The following CARNMT1 variants were observed in gnomAD, a reference collection of about 807,000 sequenced individuals.
The protein encoded by CARNMT1 is protein-L-histidine N-pros-methyltransferase CARNMT1.
A neutral mutation model predicts 49.6 loss-of-function variants in CARNMT1; 28 were observed. That is an observed-to-expected ratio of 0.56 (90% CI 0.42 to 0.77). CARNMT1 has a LOEUF of 0.77. CARNMT1 is among the 30% of genes least tolerant of loss of function. CARNMT1 has a pLI of 0.00. For missense variants in CARNMT1, 421 were observed against 512.6 expected, an observed-to-expected ratio of 0.82 and a Z score of 1.73; for synonymous variants, 178 against 175.0, an observed-to-expected ratio of 1.02 and a Z score of -0.13.
chr9:75,006,178 G>A (rs1470296564), intron 3 of CARNMT1, among the ~76,000 whole-genome samples: 1 of 151,864 alleles, frequency 6.6e-6, no homozygotes, highest in Non-Finnish European at 1.5e-5. Context: ...TGGCCTCCCA[G>A]GTAGCTGGGA....
chr9:75,008,179 A>AC (rs1364277236), intron 3 of CARNMT1, among the ~76,000 whole-genome samples: 8 of 150,278 alleles, frequency 5.3e-5, no homozygotes, highest in African/African-American at 1.9e-4. Flanking sequence ...AAAAAAAAAA[A>AC]AAAAAAAAAA....
At chr9:75,027,609 G>A (rs1401582719) in intron 1 of CARNMT1, 1 of 287,670 alleles carries the variant, frequency 3.5e-6, no homozygotes, top group Admixed American at 6.5e-5. Context: ...CTCTCCGTGT[G>A]TTCAGTTTGG....
At chr9:75,027,686 G>A (rs1378364476) in intron 1 of CARNMT1, among the ~76,000 whole-genome samples, 1 of 152,222 alleles carries the variant, frequency 6.6e-6, no homozygotes. Context: ...TCTTCTATCT[G>A]AAATTGTTAC....
At chr9:74,985,055 C>A (rs1832791125) in intron 6 of CARNMT1, 45 bp from the exon 7 acceptor site, 1 of 1,353,838 alleles carries the variant, frequency 7.4e-7, no homozygotes, top group Non-Finnish European at 1.1e-6. Flanking sequence ...TAAACATACA[C>A]TCATAGCTGT....
At chr9:75,002,073 C>T (rs1484747037) in intron 3 of CARNMT1, among the ~76,000 whole-genome samples, 2 of 152,050 alleles carry the variant, frequency 1.3e-5, no homozygotes, top group Non-Finnish European at 2.9e-5. Flanking sequence ...ATGTGACCTC[C>T]CTAATAACAG....
chr9:75,003,052 T>A (rs1833407626), intron 3 of CARNMT1, among the ~76,000 whole-genome samples: 1 of 152,162 alleles, frequency 6.6e-6, no homozygotes, highest in Non-Finnish European at 1.5e-5. Flanking sequence ...ATTTTTTTAT[T>A]CATCATAGAA....
chr9:75,025,135 A>G (rs1737276941), intron 1 of CARNMT1, among the ~76,000 whole-genome samples: 1 of 152,202 alleles, frequency 6.6e-6, no homozygotes. Context: ...TACATATCAA[A>G]CAAATCAACT....
intron 1 of CARNMT1, chr9:75,026,939 G>C: frequency 2.2e-6 from 1 of 452,152 alleles, no homozygotes; most frequent in South Asian, 1.9e-5. Context: ...CTGCCCTTGA[G>C]GAGGTCACAG....
chr9:74,999,471 T>C (rs1293422307), intron 4 of CARNMT1, among the ~76,000 whole-genome samples: 1 of 152,206 alleles, frequency 6.6e-6, no homozygotes, highest in Non-Finnish European at 1.5e-5. Flanking sequence ...GAAGATTTTG[T>C]ACAGAAATCA....
intron 3 of CARNMT1, among the ~76,000 whole-genome samples, chr9:75,001,138 T>C (rs1459151376): frequency 6.6e-6 from 1 of 152,160 alleles, no homozygotes; most frequent in Non-Finnish European, 1.5e-5. Context: ...TTTTTTTTAA[T>C]TATCTGATCA....
At chr9:74,999,708 C>T (rs752747222) in intron 4 of CARNMT1, 22 bp downstream of exon 4, 2 of 1,580,950 alleles carry the variant, frequency 1.3e-6, no homozygotes, top group Admixed American at 3.8e-5. Flanking sequence ...TTACTATTTC[C>T]AGCAAAAAAT....
At chr9:75,019,385 A>T (rs1833936887) in intron 1 of CARNMT1, among the ~76,000 whole-genome samples, 1 of 152,214 alleles carries the variant, frequency 6.6e-6, no homozygotes, top group African/African-American at 2.4e-5. Context: ...AACGGATTTC[A>T]ATGGCCCCAC....
intron 3 of CARNMT1, among the ~76,000 whole-genome samples, chr9:75,013,671 T>C (rs1309370542): frequency 6.6e-6 from 1 of 152,006 alleles, no homozygotes; most frequent in Non-Finnish European, 1.5e-5. Flanking sequence ...ATGTATGCTA[T>C]ATTATCTTTT....
At chr9:74,994,110 C>T (rs1339921027) in intron 6 of CARNMT1, among the ~76,000 whole-genome samples, 1 of 152,140 alleles carries the variant, frequency 6.6e-6, no homozygotes, top group East Asian at 1.9e-4. Context: ...CCAAAGAGCT[C>T]ACTCATGCTC....
At position 74,999,804 on chromosome 9, in the gene CARNMT1, A is replaced by T. The variant is rs1833301490; in HGVS notation, c.657T>A (p.Ala219=). The T allele has an allele frequency of 6.2e-7, 1 of 1,612,698 alleles. No homozygotes were observed. ...AGLGRLAWEI[A]MLGYACQGNE... Reference sequence around the variant, plus strand: ...TTCCTTGACAAGCATAACCTAGCATAGCTATTTCCCAGGCCAGTCTTCCTA... The same window carrying T: ...TTCCTTGACAAGCATAACCTAGCATTGCTATTTCCCAGGCCAGTCTTCCTA... The change falls in exon 4 of 8, where the codon GCT becomes GCA. Residue 219 remains alanine (A), a synonymous_variant. Transcript: ENST00000376834.
chr9:75,010,378 G>T (rs1367920845), intron 3 of CARNMT1, among the ~76,000 whole-genome samples: 2 of 152,094 alleles, frequency 1.3e-5, no homozygotes, highest in Non-Finnish European at 2.9e-5. Context: ...ACTCACCTCA[G>T]CCTCCCAAAG....
rs1465180126 is a variant in CARNMT1, at chr9:74,982,238, AACATG to A, written c.*1524_*1528del. 6.6e-6 allele frequency: 1 copy of A among 152,202 alleles called. No homozygotes were observed. The highest frequency in any genetic ancestry group is 2.4e-5 in the African/African-American group (1 of 41,442). 9.4% of individuals were successfully genotyped at this position (152,202 alleles called of 1,614,324 possible). A position where few individuals can be genotyped will look rare whatever the true frequency, so the allele number is the denominator to read the frequency against. Reference sequence around the variant, plus strand: ...ATTTACAAGTAACTTTTCCTATTAAAACATGACATTTATGCGACCAGCACATTACT... The same window carrying A: ...ATTTACAAGTAACTTTTCCTATTAAAACATTTATGCGACCAGCACATTACT... On this transcript the variant is annotated 3_prime_UTR_variant, in exon 8 of 8. Coordinates refer to ENST00000376834, the MANE Select transcript of CARNMT1 (RefSeq NM_152420.3).
chr9:74,999,719 A>C lies in CARNMT1; in HGVS notation c.731+11T>G. 1.9e-6 allele frequency: 3 copies of C among 1,587,716 alleles called. No homozygotes were observed. Among genetic ancestry groups the C allele is most frequent in the Non-Finnish European group, 2.6e-6 (3 of 1,172,106 alleles). On this transcript the variant is annotated intron_variant, in intron 4 of 7. Coordinates refer to ENST00000376834, the MANE Select transcript of CARNMT1 (RefSeq NM_152420.3). ...GAAATTACTATTTCCAGCAAAAAAT[A>C]AATTAAATACCTGTTGAGTACAAAG...
At chr9:75,005,827 AACACACACACAC>A (rs10569961) in intron 3 of CARNMT1, among the ~76,000 whole-genome samples, 1,552 of 135,794 alleles carry the variant, frequency 0.011, 36 homozygotes, top group African/African-American at 0.034. Context: ...GTGAAATTAA[AACACACACACAC>A]ACACACACAC....
Sources: gnomAD v4.1 joint callset for allele counts (sites outside exome capture counted in the v4.1 genomes callset) on GRCh38, gnomAD v4.1.1 for gene constraint, MANE v1.5 for transcripts, NCBI Gene and HGNC (gene_info 2026-07-23, HGNC 2026-07-21) for gene names.